The following ABCC5 variants were observed in gnomAD, a reference collection of about 807,000 sequenced individuals.
ABCC5 encodes ATP-binding cassette sub-family C member 5.
Under a neutral mutation model 160.9 loss-of-function variants are expected in ABCC5, and 61 were observed. The ratio of observed to expected loss-of-function variants is 0.38; its 90% CI spans 0.31 to 0.47. The LOEUF (loss-of-function observed/expected upper bound fraction) is 0.47. Ranked by LOEUF, ABCC5 falls within the 20% of genes least tolerant of loss-of-function variation. The probability of loss-of-function intolerance (pLI) is 0.99; values close to 1 mark genes in which losing one functional copy is unlikely to be tolerated. For missense variants in ABCC5, 1,308 were observed against 1,813.3 expected (o/e 0.72, Z 5.06); for synonymous variants, 666 against 700.6 (o/e 0.95, Z 0.78).
Position 183,959,783 on chromosome 3 carries a change from C to A in ABCC5, c.2432G>T (p.Gly811Val), listed in dbSNP as rs371255295. Residue 811 changes from glycine to valine, a missense_variant, in exon 17 of 30, where the codon GGT (glycine) becomes GTT (valine). Around this residue, in one of 3 missense-constraint regions of ABCC5, gnomAD observed 1,142 missense variants for 1,527.1 expected, o/e 0.75. Coordinates refer to ENST00000334444, the MANE Select transcript of ABCC5 (RefSeq NM_005688.4). Reference protein sequence around the residue: ...SGSQKKSQDKGPKTGSVKKEK... With the variant: ...SGSQKKSQDKVPKTGSVKKEK... ...CTTCTTTACTGATCCTGTTTTAGGA[C>A]CCTTGTCTTGTGACTTCTTCTGTGA... The A allele has an allele frequency of 1.2e-6, 2 of 1,612,818 alleles. No homozygotes were observed. The highest frequency in any genetic ancestry group is 1.7e-6 in the Non-Finnish European group (2 of 1,179,492).
At chr3:183,947,942 T>C (rs556094336) in intron 22 of ABCC5, among the ~76,000 whole-genome samples, 1 of 152,276 alleles carries the variant, frequency 6.6e-6, no homozygotes, top group South Asian at 2.1e-4. Flanking sequence ...TCAGAGTGAA[T>C]ATGGGAACAC....
chr3:183,971,065 G>A (rs145535101), intron 11 of ABCC5, among the ~76,000 whole-genome samples: 36 of 152,242 alleles, frequency 2.4e-4, no homozygotes, highest in African/African-American at 8.2e-4. Context: ...CCTATAGGAG[G>A]CCCTCTGAGA....
At chr3:184,001,640 C>T (rs1003868240) in intron 2 of ABCC5, among the ~76,000 whole-genome samples, 39 of 152,150 alleles carry the variant, frequency 2.6e-4, no homozygotes, top group African/African-American at 7.7e-4. Flanking sequence ...ATAGCCCCCA[C>T]AACAAAGAAT....
chr3:183,944,920 C>T (rs1368996350), intron 24 of ABCC5, among the ~76,000 whole-genome samples: 2 of 152,144 alleles, frequency 1.3e-5, no homozygotes, highest in Non-Finnish European at 2.9e-5. Flanking sequence ...AGGGGAGAGG[C>T]CTGGTGGCAG....
intron 2 of ABCC5, among the ~76,000 whole-genome samples, chr3:184,013,313 T>TGGCG (rs1721910352): frequency 6.6e-6 from 1 of 152,184 alleles, no homozygotes; most frequent in Non-Finnish European, 1.5e-5. Flanking sequence ...TGGAGTGCAG[T>TGGCG]GGCGTGATCT....
In ABCC5 at chr3:183,937,941, TAG is replaced by T; in HGVS notation, c.3812_3813del (p.Ser1271TyrfsTer25). On this transcript the variant is annotated frameshift_variant, in exon 26 of 30. Transcript: ENST00000334444. LOFTEE classifies it high-confidence loss of function. ...IGLADLRSKL[S>X]IIPQEPVLFS... ...AACAGCACCGGCTCTTGAGGAATGA[TAG>T]AGAGTTTGCTTCGGAGGTCGGCAAG... is the stretch of plus-strand genomic sequence containing the variant. 5 of 1,614,192 alleles carry T rather than the reference TAG, an allele frequency of 3.1e-6. No homozygotes were observed. Among genetic ancestry groups the T allele is most frequent in the Non-Finnish European group, 4.2e-6 (5 of 1,180,034 alleles).
chr3:183,927,661 C>T (rs1364531775), intron 27 of ABCC5: 1 of 985,280 alleles, frequency 1.0e-6, no homozygotes, highest in African/African-American at 1.7e-5. Flanking sequence ...TAGCTTTATA[C>T]CATTAAAACA....
intron 8 of ABCC5, among the ~76,000 whole-genome samples, chr3:183,980,822 C>A (rs954841870): frequency 1.2e-3 from 176 of 151,904 alleles, no homozygotes; most frequent in Non-Finnish European, 4.1e-4. Flanking sequence ...AAGCGATTCT[C>A]CTGTCTCTGC....
chr3:183,944,899 C>T (rs1714697768), intron 24 of ABCC5, among the ~76,000 whole-genome samples: 1 of 152,118 alleles, frequency 6.6e-6, no homozygotes, highest in African/African-American at 2.4e-5. Flanking sequence ...GTATAATAAT[C>T]CCCATGTGTG....
Position 183,988,937 on chromosome 3 carries a change from G to A in ABCC5, c.288-210C>T, listed in dbSNP as rs780199643. Among the ~76,000 whole-genome samples the A allele has an allele frequency of 1.3e-5, 2 of 152,016 alleles. No individual in the cohort carries two copies. The highest frequency in any genetic ancestry group is 2.1e-4 in the South Asian group (1 of 4,810). Reference sequence around the variant, plus strand: ...TCCCAGCACTTTGGGAGGCCGAGGCGGGCAGATCATGAGGTCAGGAGATTG... The same window carrying A: ...TCCCAGCACTTTGGGAGGCCGAGGCAGGCAGATCATGAGGTCAGGAGATTG... On this transcript the variant is annotated intron_variant, in intron 3 of 29. Coordinates refer to ENST00000334444, the MANE Select transcript of ABCC5 (RefSeq NM_005688.4). This position sits in a 1 kb window ranked among gnomAD's most constrained non-coding sequence, Gnocchi z 4.4.
chr3:183,954,303 C>T (rs1046407297), intron 17 of ABCC5, among the ~76,000 whole-genome samples: 11 of 152,186 alleles, frequency 7.2e-5, no homozygotes, highest in African/African-American at 2.2e-4. Context: ...CGCCCGCCAC[C>T]ACGCCTGGCT....
At chr3:183,938,859 C>G (rs192488550) in intron 25 of ABCC5, among the ~76,000 whole-genome samples, 1 of 152,140 alleles carries the variant, frequency 6.6e-6, no homozygotes, top group Non-Finnish European at 1.5e-5. Context: ...TAAACACATA[C>G]GGGAAGGAGG....
At chr3:183,970,133 T>C (rs190193461) in intron 11 of ABCC5, among the ~76,000 whole-genome samples, 2 of 152,274 alleles carry the variant, frequency 1.3e-5, no homozygotes, top group East Asian at 1.9e-4. Flanking sequence ...CTCTTCCCAC[T>C]TGGAGTAAAG....
chr3:184,001,978 G>A (rs765559452), intron 2 of ABCC5, among the ~76,000 whole-genome samples: 2 of 152,136 alleles, frequency 1.3e-5, no homozygotes, highest in Non-Finnish European at 2.9e-5. Flanking sequence ...AATATCAAAC[G>A]AGGAAGTATG....
intron 26 of ABCC5, among the ~76,000 whole-genome samples, chr3:183,934,547 GA>G (rs1394384743): frequency 6.6e-6 from 1 of 152,184 alleles, no homozygotes; most frequent in African/African-American, 2.4e-5. Flanking sequence ...ACCAACTACT[GA>G]GCTAGCCACA....
At chr3:183,945,284 C>T (rs911245145) in intron 24 of ABCC5, among the ~76,000 whole-genome samples, 27 of 152,168 alleles carry the variant, frequency 1.8e-4, no homozygotes, top group African/African-American at 5.3e-4. Flanking sequence ...CTGCCACCCA[C>T]GGCAAGACGG....
chr3:184,014,168 C>T lies in ABCC5; in HGVS notation c.129+96G>A, dbSNP rs965501401. 63 of 1,257,114 alleles carry T rather than the reference C, an allele frequency of 5.0e-5. No homozygotes were observed. In the East Asian group the frequency reaches 8.9e-4, roughly 18 times the overall value. The allele number at this position is 1,257,114 out of a possible 1,614,324, so 77.9% of individuals were successfully genotyped here. A position where few individuals can be genotyped will look rare whatever the true frequency, so the allele number is the denominator to read the frequency against. On this transcript the variant is annotated intron_variant, in intron 2 of 29. Transcript: ENST00000334444. ...GTTTATAGGCGTGAGCCACCGCGCCCGGCCAAAAAATAAGTTTCTAAATTA... is the reference window on the plus strand; with the variant it reads ...GTTTATAGGCGTGAGCCACCGCGCCTGGCCAAAAAATAAGTTTCTAAATTA...
chr3:183,927,579 G>T (rs1211494971), intron 27 of ABCC5, 136 bp from the exon 28 acceptor site: 18 of 1,436,102 alleles, frequency 1.3e-5, no homozygotes, highest in Non-Finnish European at 1.7e-5. Flanking sequence ...TGGAATGAAG[G>T]TGCAGGTGTA....
intron 2 of ABCC5, among the ~76,000 whole-genome samples, chr3:184,003,753 G>C (rs1270855595): frequency 6.6e-6 from 1 of 152,150 alleles, no homozygotes; most frequent in Admixed American, 6.5e-5. Flanking sequence ...TAATCACCAG[G>C]AATTTGAGGG....
Sources: allele counts gnomAD v4.1 joint callset (sites outside exome capture counted in the v4.1 genomes callset), GRCh38; gene constraint gnomAD v4.1.1; regional missense constraint gnomAD v4.1.1; non-coding constraint Gnocchi (gnomAD v3.1); transcripts MANE v1.5; gene names NCBI Gene and HGNC (gene_info 2026-07-23, HGNC 2026-07-21).